The following CSTF3 variants were observed in gnomAD, a reference collection of about 807,000 sequenced individuals.
CSTF3 encodes the protein CF-1 77 kDa subunit.
CSTF3 carries 29 observed loss-of-function variants against 105.8 expected under a neutral mutation model. That is an observed-to-expected ratio of 0.27 (90% CI 0.20 to 0.37). The LOEUF (loss-of-function observed/expected upper bound fraction) is 0.37, where lower values mean the gene tolerates loss of function less well. Ranked by LOEUF, CSTF3 falls within the 10% of genes least tolerant of loss-of-function variation. The pLI, the probability that CSTF3 is intolerant of heterozygous loss-of-function variation, is 1.00. For missense variants in CSTF3, 357 were observed against 879.3 expected, an observed-to-expected ratio of 0.41 and a Z score of 7.51; for synonymous variants, 252 against 281.9, an observed-to-expected ratio of 0.89 and a Z score of 1.06.
intron 4 of CSTF3, 147 bp downstream of exon 4, chr11:33,108,239 C>G (rs1434925677): frequency 3.7e-6 from 3 of 813,932 alleles, no homozygotes; most frequent in Non-Finnish European, 5.3e-6. Context: ...CATTTTCAAG[C>G]ATATAAAAAA....
At chr11:33,157,382 AC>A (rs1433645807) in intron 1 of CSTF3, among the ~76,000 whole-genome samples, 3 of 152,116 alleles carry the variant, frequency 2.0e-5, no homozygotes, top group South Asian at 2.1e-4. Context: ...ACACAAAAAA[AC>A]AAAACCATGA....
Position 33,085,183 on chromosome 11 carries a change from C to T in CSTF3, c.2058G>A (p.Arg686=). 1 of 1,614,104 alleles carries T rather than the reference C, an allele frequency of 6.2e-7. No homozygotes were observed. Among genetic ancestry groups the T allele is most frequent in the Admixed American group, 1.7e-5 (1 of 60,016 alleles). The change falls in exon 21 of 21, where the codon AGG becomes AGA. Residue 686 remains arginine (R), a synonymous_variant. Coordinates refer to ENST00000323959, the MANE Select transcript of CSTF3 (RefSeq NM_001326.3). ...CATCTTCATCTGAATCCTCGTTGGG[C>T]CTTTTGACGGCCTTGGTGAGTACTG... ...SNAVLTKAVK[R]PNEDSDEDEE... is the part of the protein sequence containing the mutation.
intron 5 of CSTF3, among the ~76,000 whole-genome samples, chr11:33,106,847 T>A (rs939685740): frequency 1.3e-5 from 2 of 152,190 alleles, no homozygotes; most frequent in African/African-American, 2.4e-5. Context: ...GGTTCTCTCA[T>A]TAATGAGACA....
Position 33,131,584 on chromosome 11 carries a change from C to T in CSTF3, c.225+10083G>A, listed in dbSNP as rs529690174. On this transcript the variant is annotated intron_variant, in intron 3 of 20. Coordinates refer to ENST00000323959, the MANE Select transcript of CSTF3 (RefSeq NM_001326.3). ...TGAACAGGCCGGGTGCGGTGGCTCA[C>T]GCCTGTAATCCCCGCACTTTGGGAG... Among the ~76,000 whole-genome samples, 76 of 152,222 alleles carry T rather than the reference C, an allele frequency of 5.0e-4. No homozygotes were observed. The South Asian group carries it at 0.015, about 30-fold the overall frequency.
At chr11:33,086,036 T>G in intron 18 of CSTF3, 47 bp from the exon 19 acceptor site, 4 of 1,186,258 alleles carry the variant, frequency 3.4e-6, no homozygotes, top group African/African-American at 1.6e-5. Context: ...GAAGAATTTC[T>G]ACACAGAGCT....
intron 1 of CSTF3, among the ~76,000 whole-genome samples, chr11:33,149,342 T>C (rs1855827948): frequency 6.6e-6 from 1 of 152,206 alleles, no homozygotes; most frequent in Admixed American, 6.5e-5. Context: ...ACAATGGAAG[T>C]TAACCAGAAT....
At chr11:33,152,545 T>C (rs1169358634) in intron 1 of CSTF3, among the ~76,000 whole-genome samples, 2 of 152,198 alleles carry the variant, frequency 1.3e-5, no homozygotes, top group Non-Finnish European at 2.9e-5. Flanking sequence ...TGTTTAACCG[T>C]CTGTTATGTG....
chr11:33,133,578 G>C (rs989806637), intron 3 of CSTF3, among the ~76,000 whole-genome samples: 1 of 152,194 alleles, frequency 6.6e-6, no homozygotes, highest in African/African-American at 2.4e-5. Context: ...AATTAAGGCC[G>C]AGGGCTGGGT....
intron 1 of CSTF3, among the ~76,000 whole-genome samples, chr11:33,160,388 A>G (rs997899015): frequency 6.6e-6 from 1 of 152,192 alleles, no homozygotes; most frequent in Non-Finnish European, 1.5e-5. Flanking sequence ...ACCTAAGTGC[A>G]TGTCGTTGCT....
At chr11:33,155,090 C>T (rs2133809758) in intron 1 of CSTF3, among the ~76,000 whole-genome samples, 1 of 152,118 alleles carries the variant, frequency 6.6e-6, no homozygotes, top group South Asian at 2.1e-4. Flanking sequence ...GGCATGGTGG[C>T]TCACACCTGT....
At chr11:33,122,923 A>AAAAAAAAAAG (rs1855506406) in intron 3 of CSTF3, among the ~76,000 whole-genome samples, 1 of 150,656 alleles carries the variant, frequency 6.6e-6, no homozygotes, top group Non-Finnish European at 1.5e-5. Context: ...TCAAAAAAAA[A>AAAAAAAAAAG]AAAAAAAAAA....
In CSTF3 at chr11:33,087,058, C is replaced by A; in HGVS notation, c.1725G>T (p.Val575=). 1 of 1,614,104 alleles carries A rather than the reference C, an allele frequency of 6.2e-7. No individual in the cohort carries two copies. Among genetic ancestry groups the A allele is most frequent in the Non-Finnish European group, 8.5e-7 (1 of 1,180,010 alleles). ...GTTTAGGGTATTCTGGTTTTCTATCCACTTCATCTTTCAGAACAGGCACTA... is the reference window on the plus strand; with the variant it reads ...GTTTAGGGTATTCTGGTTTTCTATCAACTTCATCTTTCAGAACAGGCACTA... ...PSIVPVLKDE[V]DRKPEYPKPD... Residue 575 remains valine (V), a synonymous_variant, in exon 18 of 21, where the codon GTG becomes GTT. Transcript: ENST00000323959.
At chr11:33,131,372 C>T (rs927119090) in intron 3 of CSTF3, among the ~76,000 whole-genome samples, 4 of 152,124 alleles carry the variant, frequency 2.6e-5, no homozygotes, top group East Asian at 3.9e-4. Context: ...AATACTGAGA[C>T]AGCTAATGAA....
At position 33,085,736 on chromosome 11, in the gene CSTF3, A is replaced by G; in HGVS notation, c.1928T>C (p.Phe643Ser). 1 of 1,613,820 alleles carries G rather than the reference A, an allele frequency of 6.2e-7. No homozygotes were observed. Among genetic ancestry groups the G allele is most frequent in the Non-Finnish European group, 8.5e-7 (1 of 1,179,764 alleles). ...FVQVDELMEI[F>S]RRCKIPNTVE... Reference sequence around the variant, plus strand: ...ACTATTTGGTATCTTGCATCTTCGGAAAATTTCCATCAGTTCATCCACTTG... The same window carrying G: ...ACTATTTGGTATCTTGCATCTTCGGGAAATTTCCATCAGTTCATCCACTTG... The change falls in exon 20 of 21, where the codon TTC becomes TCC. Residue 643 changes from phenylalanine (F) to serine (S), a missense_variant. Phe to Ser is a radical substitution (Grantham distance 155). Coordinates refer to ENST00000323959, the MANE Select transcript of CSTF3 (RefSeq NM_001326.3).
chr11:33,093,319 C>A (rs1855187360), intron 15 of CSTF3, among the ~76,000 whole-genome samples: 1 of 152,162 alleles, frequency 6.6e-6, no homozygotes, highest in Non-Finnish European at 1.5e-5. Flanking sequence ...CCAAGCTTTG[C>A]TCCAGACACA....
chr11:33,113,588 A>G (rs1429103619), intron 3 of CSTF3, among the ~76,000 whole-genome samples: 12 of 152,208 alleles, frequency 7.9e-5, no homozygotes, highest in Admixed American at 7.9e-4. Flanking sequence ...TTGTCATACA[A>G]TTACATTACC....
chr11:33,145,348 G>A (rs528883930), intron 1 of CSTF3, among the ~76,000 whole-genome samples: 2 of 152,054 alleles, frequency 1.3e-5, no homozygotes, highest in Admixed American at 1.3e-4. Flanking sequence ...GAGGTGGCAG[G>A]ATCACCTGAG....
chr11:33,088,331 G>A (rs1455023361), intron 17 of CSTF3, among the ~76,000 whole-genome samples: 1 of 148,940 alleles, frequency 6.7e-6, no homozygotes, highest in Non-Finnish European at 1.5e-5. Context: ...CTGTCACCCA[G>A]GCTGGAGTAC....
At chr11:33,156,762 T>A (rs530951725) in intron 1 of CSTF3, 125 of 452,022 alleles carry the variant, frequency 2.8e-4, no homozygotes, top group Middle Eastern at 1.5e-3. Flanking sequence ...AGTCCAGGAG[T>A]TCAAGACCAG....
Sources: allele counts gnomAD v4.1 joint callset (sites outside exome capture counted in the v4.1 genomes callset), GRCh38; gene constraint gnomAD v4.1.1; transcripts MANE v1.5; gene names NCBI Gene and HGNC (gene_info 2026-07-23, HGNC 2026-07-21).